Variants in COL8A1 observed in about 807,000 individuals in gnomAD.
COL8A1 encodes the protein collagen alpha-1(VIII) chain.
COL8A1 carries 21 observed loss-of-function variants against 42.7 expected under a neutral mutation model. The observed-to-expected ratio is 0.49, with a 90% confidence interval of 0.35 to 0.71. The LOEUF (loss-of-function observed/expected upper bound fraction) is 0.71. Ranked by LOEUF, COL8A1 falls within the 30% of genes least tolerant of loss-of-function variation. The pLI is 0.01. For synonymous variants in COL8A1, 367 were observed against 369.1 expected, an observed-to-expected ratio of 0.99 and a Z score of 0.06; for missense variants, 788 against 962.4, an observed-to-expected ratio of 0.82 and a Z score of 2.40.
At chr3:99,699,836 C>T (rs1939484605) in intron 1 of COL8A1, among the ~76,000 whole-genome samples, 1 of 152,154 alleles carries the variant, frequency 6.6e-6, no homozygotes, top group Non-Finnish European at 1.5e-5. Context: ...CACAGACACA[C>T]ACACTCTTAC....
At position 99,763,158 on chromosome 3, in the gene COL8A1, T is replaced by C. The variant is rs992696250; in HGVS notation, c.-4+18137T>C. 3.9e-5 allele frequency among the ~76,000 whole-genome samples: 6 copies of C among 152,198 alleles called. No homozygotes were observed. The East Asian group carries it at 9.6e-4, about 24-fold the overall frequency. On this transcript the variant is annotated intron_variant, in intron 2 of 3. Transcript: ENST00000652472. ...TCTGATTTCCTGCCCCAGTTTCCAA[T>C]GGTCCAAAGCCAATGAAGAAACAGA...
intron 1 of COL8A1, among the ~76,000 whole-genome samples, chr3:99,715,251 T>C (rs1191986545): frequency 6.6e-6 from 1 of 151,966 alleles, no homozygotes; most frequent in Non-Finnish European, 1.5e-5. Flanking sequence ...ACAAGAGTGG[T>C]CACAGGAAGA....
At chr3:99,651,280 A>T (rs965361372) in intron 1 of COL8A1, among the ~76,000 whole-genome samples, 3 of 152,218 alleles carry the variant, frequency 2.0e-5, no homozygotes, top group African/African-American at 7.2e-5. Flanking sequence ...CTTCAATATG[A>T]CCATTTCTAC....
intron 2 of COL8A1, among the ~76,000 whole-genome samples, chr3:99,773,921 T>C (rs1299696511): frequency 7.2e-6 from 1 of 139,850 alleles, no homozygotes; most frequent in East Asian, 2.2e-4. Context: ...CTTGGCCCAC[T>C]GCAACCTCCG....
intron 2 of COL8A1, among the ~76,000 whole-genome samples, chr3:99,787,315 T>C (rs1941915871): frequency 6.6e-6 from 1 of 152,206 alleles, no homozygotes; most frequent in African/African-American, 2.4e-5. Flanking sequence ...GTTCAAAGTA[T>C]CTAGGATTGG....
intron 2 of COL8A1, among the ~76,000 whole-genome samples, chr3:99,769,917 CA>C (rs1342609335): frequency 6.6e-6 from 1 of 150,778 alleles, no homozygotes; most frequent in South Asian, 2.1e-4. Flanking sequence ...AGATTCCATC[CA>C]AAAAAAAATT....
At chr3:99,745,666 G>A (rs1261808452) in intron 2 of COL8A1, among the ~76,000 whole-genome samples, 6 of 152,142 alleles carry the variant, frequency 3.9e-5, no homozygotes, top group Admixed American at 2.0e-4. Flanking sequence ...TAGGATGAAT[G>A]AAACAGAGCA....
Position 99,795,729 on chromosome 3 carries a change from G to A in COL8A1, c.1828G>A (p.Gly610Arg). ...CGGGGCTAAGAAAGGCAAGAATGGAGGGCCAGCCTATGAGATGCCTGCATT... is the reference window on the plus strand; with the variant it reads ...CGGGGCTAAGAAAGGCAAGAATGGAAGGCCAGCCTATGAGATGCCTGCATT... ...AYGAKKGKNGGPAYEMPAFTA... is the reference protein window; with the variant it reads ...AYGAKKGKNGRPAYEMPAFTA... Residue 610 changes from glycine (G) to arginine (R), a missense_variant, in exon 4 of 4, where the codon GGG becomes AGG. Gly to Arg is a moderately radical substitution (Grantham distance 125). This residue lies in a region of COL8A1 where 212 missense variants were observed against 210.9 expected (regional missense o/e 1.00). Coordinates refer to ENST00000652472, the MANE Select transcript of COL8A1 (RefSeq NM_020351.4). 3 of 1,614,136 alleles carry A rather than the reference G, an allele frequency of 1.9e-6. No individual in the cohort carries two copies. In the East Asian group the frequency reaches 6.7e-5, roughly 36 times the overall value.
chr3:99,773,568 A>T (rs1941620496), intron 2 of COL8A1, among the ~76,000 whole-genome samples: 1 of 151,930 alleles, frequency 6.6e-6, no homozygotes. Context: ...AGGTCTTTAA[A>T]GGAAAAGCTT....
intron 1 of COL8A1, among the ~76,000 whole-genome samples, chr3:99,651,522 A>G (rs1364629794): frequency 6.6e-6 from 1 of 152,246 alleles, no homozygotes; most frequent in East Asian, 1.9e-4. Context: ...GGAATTTGAC[A>G]ATGATGTGCC....
intron 2 of COL8A1, among the ~76,000 whole-genome samples, chr3:99,746,823 A>G (rs1012959548): frequency 3.3e-5 from 5 of 152,246 alleles, no homozygotes; most frequent in African/African-American, 1.2e-4. Context: ...CTTACAAATG[A>G]TAAGTTTGTC....
At chr3:99,749,627 G>T (rs1044701024) in intron 2 of COL8A1, among the ~76,000 whole-genome samples, 1 of 152,086 alleles carries the variant, frequency 6.6e-6, no homozygotes, top group Non-Finnish European at 1.5e-5. Context: ...GTTTCTTTAT[G>T]TTCCAATAGA....
intron 1 of COL8A1, among the ~76,000 whole-genome samples, chr3:99,662,393 A>AG (rs1312192493): frequency 1.3e-5 from 2 of 151,952 alleles, no homozygotes; most frequent in Non-Finnish European, 2.9e-5. Context: ...AAAAAAAAAA[A>AG]AAAATACAAT....
At chr3:99,764,231 C>G (rs1474630378) in intron 2 of COL8A1, among the ~76,000 whole-genome samples, 1 of 152,044 alleles carries the variant, frequency 6.6e-6, no homozygotes, top group Non-Finnish European at 1.5e-5. Context: ...GAGATTGTGC[C>G]TTATTTTTGT....
chr3:99,787,586 T>C (rs1243440402), intron 2 of COL8A1, among the ~76,000 whole-genome samples: 1 of 152,198 alleles, frequency 6.6e-6, no homozygotes, highest in Non-Finnish European at 1.5e-5. Flanking sequence ...GAAGAATTCA[T>C]ATTATCATTT....
At chr3:99,725,767 C>G (rs893956092) in intron 1 of COL8A1, among the ~76,000 whole-genome samples, 1 of 151,838 alleles carries the variant, frequency 6.6e-6, no homozygotes, top group Non-Finnish European at 1.5e-5. Context: ...TGGCTGCATA[C>G]TATTCCATGG....
chr3:99,736,543 G>C (rs1444420517), intron 1 of COL8A1, among the ~76,000 whole-genome samples: 1 of 152,092 alleles, frequency 6.6e-6, no homozygotes, highest in Admixed American at 6.6e-5. Flanking sequence ...GAGCGGTTTT[G>C]AGTGAGATTC....
chr3:99,752,518 A>G (rs966859213), intron 2 of COL8A1, among the ~76,000 whole-genome samples: 21 of 151,990 alleles, frequency 1.4e-4, no homozygotes, highest in African/African-American at 5.1e-4. Flanking sequence ...CCTGACTTCT[A>G]TATCTGCTGA....
chr3:99,661,351 A>G (rs1359985164), intron 1 of COL8A1, among the ~76,000 whole-genome samples: 5 of 152,224 alleles, frequency 3.3e-5, no homozygotes, highest in African/African-American at 1.2e-4. Flanking sequence ...AAGCACATGA[A>G]AATATGTTCA....
Sources: allele counts gnomAD v4.1 joint callset (sites outside exome capture counted in the v4.1 genomes callset), GRCh38; gene constraint gnomAD v4.1.1; regional missense constraint gnomAD v4.1.1; transcripts MANE v1.5; gene names NCBI Gene and HGNC (gene_info 2026-07-23, HGNC 2026-07-21).